CREBL2: variants seen among roughly 807,000 people sequenced by gnomAD.
CREBL2 encodes cAMP-responsive element-binding protein-like 2.
CREBL2 carries 4 observed loss-of-function variants against 19.5 expected under a neutral mutation model. The ratio of observed to expected loss-of-function variants is 0.20; its 90% confidence interval spans 0.10 to 0.47. CREBL2 has a LOEUF of 0.47. CREBL2 is among the 20% of genes least tolerant of loss of function. CREBL2 has a pLI of 0.98. For missense variants in CREBL2, 85 were observed against 145.1 expected (o/e 0.59, Z 2.13); for synonymous variants, 42 against 46.6 (o/e 0.90, Z 0.40).
chr12:12,622,813 A>G (rs922412069), intron 1 of CREBL2, among the ~76,000 whole-genome samples: 2 of 150,678 alleles, frequency 1.3e-5, no homozygotes, highest in Non-Finnish European at 2.9e-5. Flanking sequence ...AGCCACATTC[A>G]TATTTATCTT....
intron 1 of CREBL2, among the ~76,000 whole-genome samples, chr12:12,619,786 G>C (rs1242765518): frequency 3.9e-5 from 6 of 152,226 alleles, no homozygotes; most frequent in African/African-American, 1.4e-4. Context: ...TCAAGATCCA[G>C]TTGAGGGACT....
intron 1 of CREBL2, among the ~76,000 whole-genome samples, chr12:12,634,497 C>G (rs1945460524): frequency 6.6e-6 from 1 of 151,878 alleles, no homozygotes; most frequent in African/African-American, 2.4e-5. Context: ...TAGCCAAATT[C>G]CTTAGGATAC....
intron 1 of CREBL2, among the ~76,000 whole-genome samples, chr12:12,620,807 A>G (rs1012200788): frequency 3.3e-5 from 5 of 152,256 alleles, no homozygotes; most frequent in Non-Finnish European, 7.3e-5. Flanking sequence ...AAAGATGATT[A>G]AGAGTTTGTA....
chr12:12,638,459 G>A (rs1945492946), intron 3 of CREBL2, among the ~76,000 whole-genome samples: 1 of 151,822 alleles, frequency 6.6e-6, no homozygotes, highest in South Asian at 2.1e-4. Context: ...AAAGAGAAAT[G>A]GCTTAGATTC....
At chr12:12,618,436 T>C (rs10743993) in intron 1 of CREBL2, among the ~76,000 whole-genome samples, 149,482 of 150,954 alleles carry the variant, frequency 0.99, 74,021 homozygotes, top group East Asian at 1. Context: ...CCAGATGGGG[T>C]GGCGGGGCAG....
intron 2 of CREBL2, among the ~76,000 whole-genome samples, chr12:12,636,295 T>C (rs571483558): frequency 4.9e-4 from 75 of 152,346 alleles, no homozygotes; most frequent in Non-Finnish European, 7.3e-4. Flanking sequence ...AAAATCACAA[T>C]GCACATATAT....
chr12:12,622,413 C>G (rs1223048738), intron 1 of CREBL2, among the ~76,000 whole-genome samples: 1 of 152,146 alleles, frequency 6.6e-6, no homozygotes, highest in African/African-American at 2.4e-5. Flanking sequence ...AAGAATAGGA[C>G]TCAGCAAAAT....
intron 1 of CREBL2, among the ~76,000 whole-genome samples, chr12:12,627,982 C>T (rs770713099): frequency 2.0e-5 from 3 of 152,110 alleles, no homozygotes; most frequent in Non-Finnish European, 2.9e-5. Context: ...CGGGTTCAAG[C>T]GATTCTCCTG....
chr12:12,624,989 A>T (rs1443422285), intron 1 of CREBL2, among the ~76,000 whole-genome samples: 3 of 151,910 alleles, frequency 2.0e-5, no homozygotes, highest in Admixed American at 2.0e-4. Context: ...CTCCAGCCAG[A>T]CTCTTCTCTG....
intron 2 of CREBL2, among the ~76,000 whole-genome samples, chr12:12,637,195 C>A (rs1363352279): frequency 6.7e-6 from 1 of 149,872 alleles, no homozygotes; most frequent in Non-Finnish European, 1.5e-5. Flanking sequence ...ACATTTATTT[C>A]TTTATTTTGG....
chr12:12,636,055 TATCACCTGTCCAGTTGGCAAACA>T, intron 2 of CREBL2, 81 bp downstream of exon 2: 1 of 1,286,446 alleles, frequency 7.8e-7, no homozygotes, highest in Non-Finnish European at 1.1e-6. Context: ...AAATACCAGT[TATCACCTGTCCAGTTGGCAAACA>T]TTGGAGAGAA....
intron 1 of CREBL2, among the ~76,000 whole-genome samples, chr12:12,630,441 G>A (rs1424977867): frequency 6.6e-6 from 1 of 151,858 alleles, no homozygotes; most frequent in Non-Finnish European, 1.5e-5. Context: ...TGTTAGTAAT[G>A]GTGTCTCTTT....
intron 1 of CREBL2, among the ~76,000 whole-genome samples, chr12:12,635,545 A>G (rs542618530): frequency 2.6e-5 from 4 of 152,184 alleles, no homozygotes; most frequent in Non-Finnish European, 5.9e-5. Context: ...TTATTATCAA[A>G]TAAATAATAA....
chr12:12,639,604 G>A (rs1361805764), intron 3 of CREBL2, among the ~76,000 whole-genome samples: 1 of 152,170 alleles, frequency 6.6e-6, no homozygotes, highest in African/African-American at 2.4e-5. Context: ...TTGGGGAAAT[G>A]TCTAGGTCCC....
At chr12:12,620,195 C>A (rs1411700522) in intron 1 of CREBL2, among the ~76,000 whole-genome samples, 1 of 152,168 alleles carries the variant, frequency 6.6e-6, no homozygotes, top group South Asian at 2.1e-4. Flanking sequence ...TTAAACAAAT[C>A]TCTGACAGTA....
At chr12:12,616,482 A>G (rs1945312329) in intron 1 of CREBL2, among the ~76,000 whole-genome samples, 1 of 152,246 alleles carries the variant, frequency 6.6e-6, no homozygotes, top group Non-Finnish European at 1.5e-5. Context: ...CTTAGTGAGC[A>G]TCAAAAAGAA....
At chr12:12,632,734 CTTTGT>C (rs1945450196) in intron 1 of CREBL2, 1 of 151,854 alleles carries the variant, frequency 6.6e-6, no homozygotes, top group South Asian at 2.1e-4. Context: ...AGTAAATACA[CTTTGT>C]TTTAACTCAG....
chr12:12,622,310 C>G (rs1012121406), intron 1 of CREBL2, among the ~76,000 whole-genome samples: 1 of 152,036 alleles, frequency 6.6e-6, no homozygotes, highest in Non-Finnish European at 1.5e-5. Flanking sequence ...GCAGTTGATG[C>G]GGCGTGCATA....
At chr12:12,613,999 T>C (rs866988260) in intron 1 of CREBL2, among the ~76,000 whole-genome samples, 1 of 140,878 alleles carries the variant, frequency 7.1e-6, no homozygotes, top group East Asian at 2.1e-4. Flanking sequence ...TCTTTTTTTT[T>C]TTTTTTTTTT....
Sources: gnomAD v4.1 joint callset for allele counts (sites outside exome capture counted in the v4.1 genomes callset) on GRCh38, gnomAD v4.1.1 for gene constraint, MANE v1.5 for transcripts, NCBI Gene and HGNC (gene_info 2026-07-23, HGNC 2026-07-21) for gene names.